ANO5: variants seen among roughly 807,000 people sequenced by gnomAD.
ANO5 encodes the protein anoctamin-5.
Under a neutral mutation model 121.0 loss-of-function variants are expected in ANO5, and 109 were observed. The ratio of observed to expected loss-of-function variants is 0.90; its 90% CI spans 0.77 to 1.06. ANO5 has a LOEUF of 1.06. Among genes scored for constraint, ANO5 ranks in the 50% least tolerant of loss-of-function variants. The pLI is 0.00. For missense variants in ANO5, 1,064 were observed against 1,078.5 expected (o/e 0.99, Z 0.19); for synonymous variants, 406 against 359.9 (o/e 1.13, Z -1.45).
chr11:22,277,524 A>G (rs1311064127), intron 21 of ANO5, among the ~76,000 whole-genome samples: 1 of 151,642 alleles, frequency 6.6e-6, no homozygotes, highest in African/African-American at 2.4e-5. Flanking sequence ...TTATATAAAT[A>G]CAATAGTCAG....
chr11:22,258,903 G>A (rs984611818), intron 14 of ANO5, among the ~76,000 whole-genome samples: 1 of 152,160 alleles, frequency 6.6e-6, no homozygotes, highest in Non-Finnish European at 1.5e-5. Context: ...GGAGGCCAAG[G>A]TAGGCAGATC....
intron 2 of ANO5, among the ~76,000 whole-genome samples, chr11:22,209,953 ATTGTC>A (rs1049537361): frequency 1.2e-4 from 18 of 151,960 alleles, no homozygotes; most frequent in Non-Finnish European, 2.5e-4. Context: ...AAATTTGTTT[ATTGTC>A]TTAGCAGAAA....
At chr11:22,201,948 G>C (rs150454799) in intron 1 of ANO5, among the ~76,000 whole-genome samples, 3 of 152,034 alleles carry the variant, frequency 2.0e-5, no homozygotes, top group East Asian at 3.9e-4. Context: ...GTGTGTTAAG[G>C]CCCCTCAAAG....
chr11:22,208,927 A>G (rs750941442), intron 2 of ANO5, among the ~76,000 whole-genome samples: 1 of 151,858 alleles, frequency 6.6e-6, no homozygotes, highest in African/African-American at 2.4e-5. Flanking sequence ...AATTTTTTTC[A>G]CCCCATCTAT....
At chr11:22,197,206 A>G (rs2133490151) in intron 1 of ANO5, among the ~76,000 whole-genome samples, 1 of 152,328 alleles carries the variant, frequency 6.6e-6, no homozygotes, top group Non-Finnish European at 1.5e-5. Context: ...AATTAAACAC[A>G]TGAGGAATCA....
At chr11:22,256,753 T>C (rs1854013240) in intron 13 of ANO5, among the ~76,000 whole-genome samples, 1 of 150,522 alleles carries the variant, frequency 6.6e-6, no homozygotes, top group Non-Finnish European at 1.5e-5. Context: ...TTGTTTTGTT[T>C]TTTACTTATT....
chr11:22,259,855 G>T, intron 15 of ANO5, 114 bp downstream of exon 15: 1 of 1,058,706 alleles, frequency 9.4e-7, no homozygotes, highest in African/African-American at 1.6e-5. Flanking sequence ...TTTTAAGGCA[G>T]TTTTTCTCTA....
intron 18 of ANO5, among the ~76,000 whole-genome samples, chr11:22,271,954 G>A (rs1854632040): frequency 6.6e-6 from 1 of 152,146 alleles, no homozygotes; most frequent in Non-Finnish European, 1.5e-5. Flanking sequence ...GATTCAGTCA[G>A]ATGAGAGATG....
In ANO5 at chr11:22,252,573, G is replaced by C. The variant is rs145502263; in HGVS notation, c.1180+1562G>C. 5.9e-3 allele frequency among the ~76,000 whole-genome samples: 896 copies of C among 152,098 alleles called. 6 individuals are homozygous for C. The highest frequency in any genetic ancestry group is 0.027 in the Middle Eastern group (8 of 294). ...TTTTTTATGATTCACATGTGCTTTT[G>C]TATAATAAGCACAGTAATCCTTTGT... is the stretch of plus-strand genomic sequence containing the variant. On this transcript the variant is annotated intron_variant, in intron 12 of 21. Transcript: ENST00000324559.
chr11:22,269,119 A>C (rs1854479933), intron 17 of ANO5, among the ~76,000 whole-genome samples: 1 of 148,892 alleles, frequency 6.7e-6, no homozygotes, highest in Non-Finnish European at 1.5e-5. Context: ...GGAGGGATTA[A>C]AGAAAGGAAA....
chr11:22,210,677 G>A (rs1226703752), intron 2 of ANO5, among the ~76,000 whole-genome samples: 3 of 151,822 alleles, frequency 2.0e-5, no homozygotes, highest in Non-Finnish European at 4.4e-5. Context: ...ATATACAGAG[G>A]GAGGCATCCC....
intron 12 of ANO5, among the ~76,000 whole-genome samples, chr11:22,254,933 A>G (rs1853944937): frequency 1.3e-5 from 2 of 152,000 alleles, no homozygotes; most frequent in African/African-American, 2.4e-5. Context: ...AGAGAGAGTA[A>G]TTGTGCTGGG....
At chr11:22,216,555 T>C (rs2070310286) in intron 3 of ANO5, among the ~76,000 whole-genome samples, 1 of 151,934 alleles carries the variant, frequency 6.6e-6, no homozygotes, top group Non-Finnish European at 1.5e-5. Context: ...TATCTTTGTA[T>C]TGACTTGTAA....
intron 9 of ANO5, among the ~76,000 whole-genome samples, chr11:22,241,034 A>G (rs952857843): frequency 6.6e-6 from 1 of 151,738 alleles, no homozygotes; most frequent in Non-Finnish European, 1.5e-5. Context: ...TATAATTTCA[A>G]CTTTTTAATT....
At chr11:22,241,970 T>C (rs951172061) in intron 9 of ANO5, among the ~76,000 whole-genome samples, 6 of 152,140 alleles carry the variant, frequency 3.9e-5, no homozygotes, top group Non-Finnish European at 8.8e-5. Context: ...CCCAGGCCGA[T>C]GTAGAGAAAG....
intron 1 of ANO5, among the ~76,000 whole-genome samples, chr11:22,194,923 A>G (rs2133480085): frequency 6.6e-6 from 1 of 152,322 alleles, no homozygotes; most frequent in Non-Finnish European, 1.5e-5. Context: ...ATATGAACAT[A>G]TGCTTTTATT....
At chr11:22,271,243 T>A (rs1854601576) in intron 18 of ANO5, among the ~76,000 whole-genome samples, 1 of 151,928 alleles carries the variant, frequency 6.6e-6, no homozygotes, top group Admixed American at 6.6e-5. Context: ...TTTAGTAGAG[T>A]CGGGGTTTCA....
chr11:22,226,187 A>T (rs1257583169), intron 6 of ANO5, 135 bp downstream of exon 6: 1 of 707,380 alleles, frequency 1.4e-6, no homozygotes, highest in Non-Finnish European at 2.5e-6. Flanking sequence ...GTGCACCGGG[A>T]TGATAGGGCC....
At chr11:22,197,560 A>G (rs911862935) in intron 1 of ANO5, among the ~76,000 whole-genome samples, 1 of 152,182 alleles carries the variant, frequency 6.6e-6, no homozygotes, top group Non-Finnish European at 1.5e-5. Flanking sequence ...TATGTTAAGC[A>G]TTGTGTCCAA....
Sources: gnomAD v4.1 joint callset for allele counts (sites outside exome capture counted in the v4.1 genomes callset) on GRCh38, gnomAD v4.1.1 for gene constraint, MANE v1.5 for transcripts, NCBI Gene and HGNC (gene_info 2026-07-23, HGNC 2026-07-21) for gene names.